Variants in NOL10 observed in about 807,000 individuals in gnomAD.
NOL10 encodes the protein H_NH0074G24.1.
A neutral mutation model predicts 103.5 loss-of-function variants in NOL10; 58 were observed. The ratio of observed to expected loss-of-function variants is 0.56; its 90% confidence interval spans 0.45 to 0.70. The LOEUF (loss-of-function observed/expected upper bound fraction) is 0.70. Ranked by LOEUF, NOL10 falls within the 30% of genes least tolerant of loss-of-function variation. The probability of loss-of-function intolerance (pLI) is 0.00; values close to 1 mark genes in which losing one functional copy is unlikely to be tolerated. For synonymous variants in NOL10, 287 were observed against 282.5 expected (o/e 1.02, Z -0.16); for missense variants, 763 against 807.3 (o/e 0.95, Z 0.67).
At chr2:10,684,318 T>C (rs1226413324) in intron 2 of NOL10, among the ~76,000 whole-genome samples, 1 of 149,302 alleles carries the variant, frequency 6.7e-6, no homozygotes, top group Admixed American at 6.7e-5. Flanking sequence ...CAGTGGCTCA[T>C]GCCTGTAATC....
chr2:10,667,353 A>AT, intron 7 of NOL10, 75 bp from the exon 8 acceptor site: 3 of 1,089,342 alleles, frequency 2.8e-6, no homozygotes, highest in Non-Finnish European at 4.1e-6. Context: ...TTAAATAAAT[A>AT]AACAGTCAAC....
chr2:10,632,809 T>C (rs1677931732), intron 13 of NOL10, among the ~76,000 whole-genome samples: 1 of 152,114 alleles, frequency 6.6e-6, no homozygotes, highest in African/African-American at 2.4e-5. Context: ...TAAATTAAAA[T>C]GTGAAATTTT....
chr2:10,610,227 A>G (rs919519819), intron 13 of NOL10, among the ~76,000 whole-genome samples: 1 of 152,226 alleles, frequency 6.6e-6, no homozygotes, highest in African/African-American at 2.4e-5. Context: ...CTTCAAAGAC[A>G]ATAAAAAGAT....
chr2:10,617,500 C>A (rs759972270), intron 13 of NOL10, among the ~76,000 whole-genome samples: 45 of 152,144 alleles, frequency 3.0e-4, no homozygotes, highest in Non-Finnish European at 5.6e-4. Flanking sequence ...CAACCACAAA[C>A]CCTGGGGACC....
chr2:10,671,544 G>T lies in NOL10; in HGVS notation c.464+10C>A. The T allele has an allele frequency of 6.3e-7, 1 of 1,582,058 alleles. No homozygotes were observed. Among genetic ancestry groups the T allele is most frequent in the South Asian group, 1.2e-5 (1 of 83,976 alleles). On this transcript the variant is annotated intron_variant, in intron 6 of 20. Coordinates refer to ENST00000381685, the MANE Select transcript of NOL10 (RefSeq NM_024894.4). ...AGGTGAAAAGGAGAAAAAGGGACTG[G>T]ATCCAATACCTTGCACCAACAAAGT...
intron 17 of NOL10, among the ~76,000 whole-genome samples, chr2:10,595,596 TTGTTTTTGTTTG>T (rs1558277548): frequency 1.5e-5 from 2 of 130,980 alleles, no homozygotes; most frequent in South Asian, 4.7e-4. Context: ...TTGTTTTGTT[TTGTTTTTGTTTG>T]TTTGTTTGTT....
intron 19 of NOL10, among the ~76,000 whole-genome samples, chr2:10,584,523 T>C (rs1674925610): frequency 6.6e-6 from 1 of 152,160 alleles, no homozygotes; most frequent in African/African-American, 2.4e-5. Context: ...ATTTTAAAGC[T>C]AGGCAAGTCC....
chr2:10,678,617 T>A (rs1475584358), intron 3 of NOL10, among the ~76,000 whole-genome samples: 1 of 152,114 alleles, frequency 6.6e-6, no homozygotes, highest in Admixed American at 6.6e-5. Context: ...CTGAGTTCAT[T>A]CCCTTAGATA....
chr2:10,629,068 T>C (rs1677667981), intron 13 of NOL10, among the ~76,000 whole-genome samples: 2 of 151,818 alleles, frequency 1.3e-5, no homozygotes, highest in Non-Finnish European at 1.5e-5. Context: ...AGTGCAAACA[T>C]GCTCGCTTGC....
intron 20 of NOL10, among the ~76,000 whole-genome samples, chr2:10,574,948 A>G (rs1010862790): frequency 6.6e-6 from 1 of 152,226 alleles, no homozygotes; most frequent in Non-Finnish European, 1.5e-5. Flanking sequence ...TCCATGCAGA[A>G]AAAGGACTAT....
chr2:10,602,920 G>C (rs762705711), intron 15 of NOL10, 46 bp from the exon 16 acceptor site: 1 of 1,392,378 alleles, frequency 7.2e-7, no homozygotes, highest in South Asian at 1.2e-5. Flanking sequence ...ATGGTATTTG[G>C]TAATATCATT....
intron 19 of NOL10, among the ~76,000 whole-genome samples, chr2:10,583,370 T>A (rs193231615): frequency 6.6e-6 from 1 of 152,224 alleles, no homozygotes; most frequent in Non-Finnish European, 1.5e-5. Flanking sequence ...TCTTACTTTA[T>A]ACAATGACGC....
intron 13 of NOL10, among the ~76,000 whole-genome samples, chr2:10,619,467 TAA>T (rs1677009702): frequency 6.6e-6 from 1 of 152,138 alleles, no homozygotes; most frequent in African/African-American, 2.4e-5. Context: ...CACTGTAGTT[TAA>T]GTGTGTGAAA....
intron 13 of NOL10, among the ~76,000 whole-genome samples, chr2:10,619,047 C>T (rs563571954): frequency 6.6e-6 from 1 of 152,200 alleles, no homozygotes; most frequent in African/African-American, 2.4e-5. Flanking sequence ...GGATTCAGAA[C>T]ATGCAAGCTT....
chr2:10,620,050 T>C (rs749404440), intron 13 of NOL10, among the ~76,000 whole-genome samples: 3 of 152,168 alleles, frequency 2.0e-5, no homozygotes, highest in Non-Finnish European at 2.9e-5. Context: ...TACATGAGAA[T>C]GTATTTATCT....
intron 13 of NOL10, chr2:10,621,913 A>G (rs897537473): frequency 1.1e-5 from 4 of 376,248 alleles, no homozygotes; most frequent in African/African-American, 8.5e-5. Context: ...AATAGTTTAG[A>G]GCTATGCTGC....
intron 13 of NOL10, among the ~76,000 whole-genome samples, chr2:10,622,802 A>G (rs943380174): frequency 6.6e-6 from 1 of 152,190 alleles, no homozygotes; most frequent in Non-Finnish European, 1.5e-5. Context: ...CCAGAAAAAC[A>G]AAAGCTCAAA....
At chr2:10,622,555 T>A (rs1051510167) in intron 13 of NOL10, among the ~76,000 whole-genome samples, 1 of 151,610 alleles carries the variant, frequency 6.6e-6, no homozygotes, top group Non-Finnish European at 1.5e-5. Flanking sequence ...AGATACCAAG[T>A]GGTGAACAAG....
intron 6 of NOL10, 128 bp downstream of exon 6, chr2:10,671,426 T>TC (rs1680930960): frequency 1.4e-6 from 1 of 692,906 alleles, no homozygotes; most frequent in African/African-American, 1.9e-5. Flanking sequence ...TTTTTTTTTT[T>TC]ACAAGAGCCA....
Sources: gnomAD v4.1 joint callset for allele counts (sites outside exome capture counted in the v4.1 genomes callset) on GRCh38, gnomAD v4.1.1 for gene constraint, MANE v1.5 for transcripts, NCBI Gene and HGNC (gene_info 2026-07-23, HGNC 2026-07-21) for gene names.